The following PCDHGB6 variants were observed in gnomAD, a reference collection of about 807,000 sequenced individuals.
The protein encoded by PCDHGB6 is protocadherin gamma-B6.
PCDHGB6 carries 51 observed loss-of-function variants against 59.1 expected under a neutral mutation model. The ratio of observed to expected loss-of-function variants is 0.86; its 90% CI spans 0.69 to 1.09. PCDHGB6 has a LOEUF of 1.09. Ranked by LOEUF, PCDHGB6 falls within the 50% of genes least tolerant of loss-of-function variation. The pLI is 0.00. For missense variants in PCDHGB6, 1,148 were observed against 1,205.1 expected (o/e 0.95, Z 0.70); for synonymous variants, 466 against 495.1 (o/e 0.94, Z 0.78).
At chr5:141,419,665 C>T in intron 1 of PCDHGB6, 1 of 1,612,860 alleles carries the variant, frequency 6.2e-7, no homozygotes, top group East Asian at 2.2e-5. Flanking sequence ...GGCACAATGC[C>T]TGGCTGTCCT....
At chr5:141,458,437 C>T (rs777855535) in intron 1 of PCDHGB6, among the ~76,000 whole-genome samples, 1 of 152,026 alleles carries the variant, frequency 6.6e-6, no homozygotes, top group Non-Finnish European at 1.5e-5. Flanking sequence ...AGAGGAGGTC[C>T]CCCACATTAA....
In PCDHGB6 at chr5:141,476,432, G is replaced by T; in HGVS notation, c.2419-18375G>T. 6.2e-7 allele frequency: 1 copy of T among 1,614,116 alleles called. No individual in the cohort carries two copies. The highest frequency in any genetic ancestry group is 8.5e-7 in the Non-Finnish European group (1 of 1,180,028). ...GTGTGGGACACTGCCCTCTTGCACT[G>T]TAACTCTGGAGTTGGTAGTGGAGAA... On this transcript the variant is annotated intron_variant, in intron 1 of 3. Coordinates refer to ENST00000520790, the MANE Select transcript of PCDHGB6 (RefSeq NM_018926.3). The surrounding 1 kb of genome is among the most constrained non-coding windows in gnomAD (Gnocchi z 7.6).
intron 1 of PCDHGB6, chr5:141,414,805 C>T (rs1464881022): frequency 1.2e-6 from 2 of 1,614,224 alleles, no homozygotes; most frequent in Middle Eastern, 1.6e-4. Flanking sequence ...CAGCGGGGAT[C>T]CTCCACTCAG....
intron 1 of PCDHGB6, chr5:141,415,029 G>T (rs777967290): frequency 8.1e-6 from 13 of 1,613,554 alleles, no homozygotes; most frequent in Non-Finnish European, 1.0e-5. Context: ...CCAGCGAGCC[G>T]GGACTCTTCG....
At chr5:141,427,526 G>A (rs956426158) in intron 1 of PCDHGB6, 2 of 612,866 alleles carry the variant, frequency 3.3e-6, no homozygotes, top group Middle Eastern at 2.6e-4. Context: ...AGCGGATCCC[G>A]GAGTACAACG....
Position 141,477,209 on chromosome 5 carries a change from GC to G in PCDHGB6, c.2419-17594del. On this transcript the variant is annotated intron_variant, in intron 1 of 3. Transcript: ENST00000520790. The surrounding 1 kb of genome is among the most constrained non-coding windows in gnomAD (Gnocchi z 4.9). Reference sequence around the variant, plus strand: ...CGTGTACAGCCCAGTACCCGAGGATGCCCCTCTGGGGACTGTCATCGCTTTG... The same window carrying G: ...CGTGTACAGCCCAGTACCCGAGGATGCCCTCTGGGGACTGTCATCGCTTTG... The G allele has an allele frequency of 6.2e-7, 1 of 1,614,194 alleles. No homozygotes were observed. Among genetic ancestry groups the G allele is most frequent in the Non-Finnish European group, 8.5e-7 (1 of 1,180,038 alleles).
In PCDHGB6 at chr5:141,489,594, TGTAGAG is replaced by T. The variant is rs1298302866; in HGVS notation, c.2419-5206_2419-5201del. 1 of 1,613,958 alleles carries T rather than the reference TGTAGAG, an allele frequency of 6.2e-7. No homozygotes were observed. The highest frequency in any genetic ancestry group is 1.3e-5 in the African/African-American group (1 of 74,906). ...CTGAACACCCCCTGGAGCTAATCCG[TGTAGAG>T]GTAGAGATCCTGGATCTCAATGACA... On this transcript the variant is annotated intron_variant, in intron 1 of 3. Coordinates refer to ENST00000520790, the MANE Select transcript of PCDHGB6 (RefSeq NM_018926.3). The surrounding 1 kb of genome is among the most constrained non-coding windows in gnomAD (Gnocchi z 4.5).
At position 141,409,728 on chromosome 5, in the gene PCDHGB6, C is replaced by G. The variant is rs13184503; in HGVS notation, c.1526C>G (p.Ala509Gly). ...LAVSSYVSVSAQSGVVFAQRA... is the reference protein window; with the variant it reads ...LAVSSYVSVSGQSGVVFAQRA... ...GTGTCGTCATACGTGTCAGTGAGCG[C>G]GCAGAGCGGGGTGGTGTTCGCGCAG... The change falls in exon 1 of 4, where the codon GCG becomes GGG. Residue 509 changes from alanine to glycine, a missense_variant. Physicochemically the swap from Ala to Gly is moderately conservative, Grantham distance 60. This residue lies in a region of PCDHGB6 where 549 missense variants were observed against 527.5 expected (regional missense o/e 1.04). Coordinates refer to ENST00000520790, the MANE Select transcript of PCDHGB6 (RefSeq NM_018926.3). The G allele has an allele frequency of 6.2e-7, 1 of 1,613,134 alleles. No homozygotes were observed. The highest frequency in any genetic ancestry group is 1.7e-5 in the Admixed American group (1 of 60,018).
chr5:141,464,377 T>A (rs1410334231), intron 1 of PCDHGB6, among the ~76,000 whole-genome samples: 3 of 151,486 alleles, frequency 2.0e-5, no homozygotes, highest in Admixed American at 2.0e-4. Flanking sequence ...TTTTGCAATA[T>A]AAAAAATGCT....
At chr5:141,418,481 C>G (rs1438009750) in intron 1 of PCDHGB6, 1 of 1,614,006 alleles carries the variant, frequency 6.2e-7, no homozygotes, top group Admixed American at 1.7e-5. Context: ...GCAGAGCGCT[C>G]ACCACTTGGT....
At chr5:141,466,993 T>G (rs2099133598) in intron 1 of PCDHGB6, among the ~76,000 whole-genome samples, 1 of 152,148 alleles carries the variant, frequency 6.6e-6, no homozygotes, top group African/African-American at 2.4e-5. Context: ...CCTTTTGGCA[T>G]TTTTTTGCAA....
chr5:141,432,611 T>C lies in PCDHGB6; in HGVS notation c.2418+21991T>C, dbSNP rs141541670. On this transcript the variant is annotated intron_variant, in intron 1 of 3. Transcript: ENST00000520790. This position sits in a 1 kb window ranked among gnomAD's most constrained non-coding sequence, Gnocchi z 6.0. ...CAAGGCCAGCGAGCCGGGACTCTTC[T>C]CGGTGGGTCTGCACACGGGCGAGGT... The C allele has an allele frequency of 2.5e-6, 4 of 1,613,860 alleles. No homozygotes were observed. In the South Asian group the frequency reaches 4.4e-5, roughly 18 times the overall value.
At chr5:141,474,758 C>T (rs2099354200) in intron 1 of PCDHGB6, among the ~76,000 whole-genome samples, 1 of 152,210 alleles carries the variant, frequency 6.6e-6, no homozygotes, top group Non-Finnish European at 1.5e-5. Flanking sequence ...GACAAATATA[C>T]AGAAATAGTA....
At chr5:141,437,225 T>C (rs943242286) in intron 1 of PCDHGB6, among the ~76,000 whole-genome samples, 2 of 152,240 alleles carry the variant, frequency 1.3e-5, no homozygotes, top group Admixed American at 1.3e-4. Flanking sequence ...ATTCCAGTCA[T>C]AAAATTATGT....
intron 1 of PCDHGB6, chr5:141,422,357 C>T: frequency 6.4e-7 from 1 of 1,557,656 alleles, no homozygotes; most frequent in South Asian, 1.3e-5. Context: ...GATCAAGATT[C>T]TGGAGAAAAT....
At chr5:141,415,508 A>G in intron 1 of PCDHGB6, 2 of 1,614,168 alleles carry the variant, frequency 1.2e-6, no homozygotes, top group Non-Finnish European at 1.7e-6. Flanking sequence ...CCCCAGCCCA[A>G]TTATGCGGAC....
intron 1 of PCDHGB6, chr5:141,423,755 G>GGT (rs1554116817): frequency 5.9e-6 from 3 of 512,508 alleles, no homozygotes; most frequent in Non-Finnish European, 7.8e-6. Context: ...CTGTTTGGGG[G>GGT]GGGGGTGGGG....
intron 1 of PCDHGB6, among the ~76,000 whole-genome samples, chr5:141,462,868 T>C (rs1232965498): frequency 6.6e-6 from 1 of 152,228 alleles, no homozygotes; most frequent in East Asian, 1.9e-4. Context: ...TTTGTCTTTC[T>C]TTAAGAACTA....
intron 1 of PCDHGB6, among the ~76,000 whole-genome samples, chr5:141,420,701 T>C (rs371823252): frequency 7.2e-5 from 11 of 152,226 alleles, no homozygotes; most frequent in Admixed American, 5.9e-4. Flanking sequence ...TATTTCCACT[T>C]CCAGAAATGT....
Sources: gnomAD v4.1 joint callset for allele counts (sites outside exome capture counted in the v4.1 genomes callset) on GRCh38, gnomAD v4.1.1 for gene constraint, gnomAD v4.1.1 regional missense constraint, Gnocchi (gnomAD v3.1) non-coding constraint, MANE v1.5 for transcripts, NCBI Gene and HGNC (gene_info 2026-07-23, HGNC 2026-07-21) for gene names.